ENOX1: variants seen among roughly 807,000 people sequenced by gnomAD.
The protein encoded by ENOX1 is candidate growth-related and time keeping constitutive hydroquinone (NADH) oxidase.
ENOX1 carries 42 observed loss-of-function variants against 82.5 expected under a neutral mutation model. The ratio of observed to expected loss-of-function variants is 0.51; its 90% confidence interval spans 0.40 to 0.66. The LOEUF (loss-of-function observed/expected upper bound fraction) is 0.66. ENOX1 is among the 30% of genes least tolerant of loss of function. The probability of loss-of-function intolerance (pLI) is 0.00; values close to 1 mark genes in which losing one functional copy is unlikely to be tolerated. For synonymous variants in ENOX1, 271 were observed against 282.2 expected (o/e 0.96, Z 0.40); for missense variants, 608 against 811.6 (o/e 0.75, Z 3.05).
At chr13:43,370,461 C>T (rs938774602) in intron 5 of ENOX1, among the ~76,000 whole-genome samples, 7 of 152,174 alleles carry the variant, frequency 4.6e-5, no homozygotes, top group Admixed American at 3.3e-4. Context: ...TCCAGTTTTA[C>T]GGGCCATTGC....
At chr13:43,330,411 T>C (rs1352152238) in intron 9 of ENOX1, among the ~76,000 whole-genome samples, 1 of 152,246 alleles carries the variant, frequency 6.6e-6, no homozygotes, top group Admixed American at 6.5e-5. Flanking sequence ...TCTGTTTGAT[T>C]GCCACTTACT....
chr13:43,262,144 C>T (rs965495456), intron 14 of ENOX1, among the ~76,000 whole-genome samples: 4 of 152,174 alleles, frequency 2.6e-5, no homozygotes, highest in Admixed American at 2.6e-4. Context: ...ATATACATGA[C>T]TGGAAAAAAC....
intron 14 of ENOX1, among the ~76,000 whole-genome samples, chr13:43,264,594 C>T (rs765870936): frequency 6.6e-6 from 1 of 152,138 alleles, no homozygotes; most frequent in Non-Finnish European, 1.5e-5. Context: ...TTTCTCCTAG[C>T]TCTAGTGTAA....
chr13:43,456,742 G>T (rs1178280192), intron 3 of ENOX1, among the ~76,000 whole-genome samples: 1 of 152,180 alleles, frequency 6.6e-6, no homozygotes, highest in Non-Finnish European at 1.5e-5. Context: ...CTCACATAGG[G>T]TTGGGGAATT....
At chr13:43,586,016 C>G (rs1026910590) in intron 2 of ENOX1, among the ~76,000 whole-genome samples, 4 of 152,176 alleles carry the variant, frequency 2.6e-5, no homozygotes, top group African/African-American at 9.7e-5. Context: ...AAATATTTAT[C>G]ATTTCTTTAC....
At chr13:43,506,159 G>A (rs1196881155) in intron 2 of ENOX1, among the ~76,000 whole-genome samples, 2 of 151,912 alleles carry the variant, frequency 1.3e-5, no homozygotes, top group Non-Finnish European at 2.9e-5. Context: ...CTGTAGTCTT[G>A]TAGTATAGTT....
intron 1 of ENOX1, among the ~76,000 whole-genome samples, chr13:43,778,659 A>G (rs1385627366): frequency 1.3e-5 from 2 of 152,208 alleles, no homozygotes; most frequent in Non-Finnish European, 2.9e-5. Context: ...CCCGTAAAAT[A>G]TAACTTTCTT....
intron 7 of ENOX1, among the ~76,000 whole-genome samples, chr13:43,359,478 A>G (rs1208354301): frequency 6.6e-6 from 1 of 152,240 alleles, no homozygotes; most frequent in African/African-American, 2.4e-5. Context: ...GTGTCCAGAA[A>G]GTGAATCCAC....
At chr13:43,756,601 T>G (rs1039696287) in intron 1 of ENOX1, among the ~76,000 whole-genome samples, 1 of 152,084 alleles carries the variant, frequency 6.6e-6, no homozygotes, top group East Asian at 1.9e-4. Flanking sequence ...TGGCCATTTT[T>G]ATGTGCATCC....
At chr13:43,501,890 A>T (rs1225522104) in intron 2 of ENOX1, among the ~76,000 whole-genome samples, 1 of 151,370 alleles carries the variant, frequency 6.6e-6, no homozygotes, top group Non-Finnish European at 1.5e-5. Context: ...AGAAAATATT[A>T]AACGTTAGAA....
intron 14 of ENOX1, among the ~76,000 whole-genome samples, chr13:43,262,112 T>C (rs1020330122): frequency 1.4e-4 from 21 of 152,146 alleles, no homozygotes; most frequent in Admixed American, 4.6e-4. Flanking sequence ...ATTCATTTAT[T>C]TATGGGCTTT....
intron 1 of ENOX1, among the ~76,000 whole-genome samples, chr13:43,781,280 T>C (rs1265511568): frequency 6.6e-6 from 1 of 152,198 alleles, no homozygotes; most frequent in African/African-American, 2.4e-5. Context: ...AGATGATGCA[T>C]TAATTCCACA....
intron 9 of ENOX1, among the ~76,000 whole-genome samples, chr13:43,328,558 C>T (rs1417888743): frequency 1.3e-5 from 2 of 151,962 alleles, no homozygotes; most frequent in African/African-American, 4.8e-5. Flanking sequence ...AAATGAAACA[C>T]TAAAGAAAAG....
At chr13:43,543,006 C>T (rs1342961318) in intron 2 of ENOX1, among the ~76,000 whole-genome samples, 1 of 152,118 alleles carries the variant, frequency 6.6e-6, no homozygotes, top group Non-Finnish European at 1.5e-5. Context: ...AAAGGCCCTA[C>T]CACCTAATAC....
At chr13:43,323,543 A>G (rs908303547) in intron 10 of ENOX1, among the ~76,000 whole-genome samples, 6 of 152,188 alleles carry the variant, frequency 3.9e-5, no homozygotes, top group Non-Finnish European at 5.9e-5. Context: ...CTAAGTATTT[A>G]TATTATTATT....
intron 12 of ENOX1, among the ~76,000 whole-genome samples, chr13:43,277,174 C>T (rs574466679): frequency 6.6e-6 from 1 of 152,340 alleles, no homozygotes; most frequent in East Asian, 1.9e-4. Context: ...TTCCTTGGGT[C>T]TTTCCTCATA....
chr13:43,655,706 C>A (rs1476496930), intron 2 of ENOX1, among the ~76,000 whole-genome samples: 1 of 152,134 alleles, frequency 6.6e-6, no homozygotes, highest in African/African-American at 2.4e-5. Flanking sequence ...CTGTGGTCTG[C>A]AACCTGCCCC....
intron 1 of ENOX1, among the ~76,000 whole-genome samples, chr13:43,704,412 C>T (rs2087114334): frequency 6.6e-6 from 1 of 151,884 alleles, no homozygotes; most frequent in African/African-American, 2.4e-5. Flanking sequence ...ATAAAAACAA[C>T]TTTTTGAAGG....
At chr13:43,357,246 C>T (rs2050214776) in intron 7 of ENOX1, among the ~76,000 whole-genome samples, 1 of 152,162 alleles carries the variant, frequency 6.6e-6, no homozygotes, top group Admixed American at 6.5e-5. Flanking sequence ...TGCTAGGCTG[C>T]ACTGTGCTGA....
Sources: allele counts gnomAD v4.1 joint callset (sites outside exome capture counted in the v4.1 genomes callset), GRCh38; gene constraint gnomAD v4.1.1; transcripts MANE v1.5; gene names NCBI Gene and HGNC (gene_info 2026-07-23, HGNC 2026-07-21).